Variants in TMEM117 observed in about 807,000 individuals in gnomAD.
The protein encoded by TMEM117 is transmembrane protein 117.
Under a neutral mutation model 52.4 loss-of-function variants are expected in TMEM117, and 27 were observed. That is an observed-to-expected ratio of 0.51 (90% CI 0.38 to 0.71). TMEM117 has a LOEUF of 0.71. TMEM117 is among the 30% of genes least tolerant of loss of function. The pLI is 0.00. For synonymous variants in TMEM117, 215 were observed against 206.3 expected (o/e 1.04, Z -0.36); for missense variants, 556 against 630.5 (o/e 0.88, Z 1.26).
At chr12:43,829,301 T>G in the TMEM117 span, among the ~76,000 whole-genome samples, 1 of 152,256 alleles carries the variant, frequency 6.6e-6, no homozygotes, top group Admixed American at 6.5e-5. Flanking sequence ...ATCTGTAACC[T>G]TGCATTACTA....
Position 44,388,232 on chromosome 12 carries a change from C to T in TMEM117, c.1105C>T (p.Arg369Trp), listed in dbSNP as rs749411714. Residue 369 changes from arginine (R) to tryptophan (W), a missense_variant, in exon 8 of 8, where the codon CGG (arginine) becomes TGG (tryptophan). By Grantham distance (101) the Arg-to-Trp change is moderately radical. Around this residue, in one of 3 missense-constraint regions of TMEM117, gnomAD observed 206 missense variants for 211.1 expected, o/e 0.98. Coordinates refer to ENST00000266534, the MANE Select transcript of TMEM117 (RefSeq NM_032256.3). ...ATGGAGGTCCAATCACACTAACCCT[C>T]GGACTAATAAAACATATGTTGAGGG... ...WEWRSNHTNP[R>W]TNKTYVEGDM... 1.3e-5 allele frequency: 21 copies of T among 1,613,374 alleles called. No homozygotes were observed. The highest frequency in any genetic ancestry group is 5.0e-5 in the Admixed American group (3 of 59,892).
chr12:44,212,820 C>A (rs550871577), intron 5 of TMEM117, among the ~76,000 whole-genome samples: 1 of 151,544 alleles, frequency 6.6e-6, no homozygotes, highest in African/African-American at 2.4e-5. Flanking sequence ...AATGCAAAAG[C>A]TTCAAAAATC....
At chr12:44,206,859 CG>C (rs1565591461) in intron 4 of TMEM117, among the ~76,000 whole-genome samples, 1 of 152,060 alleles carries the variant, frequency 6.6e-6, no homozygotes, top group Non-Finnish European at 1.5e-5. Context: ...TTCCACCTAT[CG>C]GATACTATGC....
chr12:43,965,659 G>A (rs557424011), intron 3 of TMEM117, among the ~76,000 whole-genome samples: 14 of 152,080 alleles, frequency 9.2e-5, no homozygotes, highest in African/African-American at 2.7e-4. Context: ...GCCTTTTTTT[G>A]CTTTCATTAA....
rs185921606 is a variant in TMEM117, at chr12:44,260,085, C to T, written c.609-39495C>T. On this transcript the variant is annotated intron_variant, in intron 5 of 7. Coordinates refer to ENST00000266534, the MANE Select transcript of TMEM117 (RefSeq NM_032256.3). ...ATTTTCCCTACTGCTCCCAGGCCAACGTAGGGACCGATGGTACAAGAAGCG... is the reference window on the plus strand; with the variant it reads ...ATTTTCCCTACTGCTCCCAGGCCAATGTAGGGACCGATGGTACAAGAAGCG... Among the ~76,000 whole-genome samples, 61 of 152,292 alleles carry T rather than the reference C, an allele frequency of 4.0e-4. No individual in the cohort carries two copies. In the South Asian group the frequency reaches 0.012, roughly 30 times the overall value.
intron 2 of TMEM117, among the ~76,000 whole-genome samples, chr12:43,916,897 C>T (rs983262194): frequency 6.6e-6 from 1 of 152,086 alleles, no homozygotes; most frequent in Non-Finnish European, 1.5e-5. Context: ...CCTAGACTCC[C>T]CTCTCTACTC....
chr12:43,897,664 G>A (rs1010569981), intron 2 of TMEM117, among the ~76,000 whole-genome samples: 1 of 151,852 alleles, frequency 6.6e-6, no homozygotes, highest in South Asian at 2.1e-4. Context: ...CTGGAGTGCA[G>A]TGGCATGTTA....
intron 3 of TMEM117, among the ~76,000 whole-genome samples, chr12:44,118,503 G>A (rs915362978): frequency 6.6e-6 from 1 of 152,140 alleles, no homozygotes; most frequent in Non-Finnish European, 1.5e-5. Context: ...AACAGCAATT[G>A]TATAATAACC....
intron 6 of TMEM117, among the ~76,000 whole-genome samples, chr12:44,314,960 A>G (rs1951036027): frequency 6.6e-6 from 1 of 152,044 alleles, no homozygotes; most frequent in Non-Finnish European, 1.5e-5. Context: ...TCAATGTTTC[A>G]ATTTCTTCCT....
Position 44,336,573 on chromosome 12 carries a change from G to T in TMEM117, c.768+36834G>T, listed in dbSNP as rs1051510210. ...TTTTACTGATTTTTAGTGATCCGTG[G>T]TGATTAATGAAGCTTTATGGGAAGC... On this transcript the variant is annotated intron_variant, in intron 6 of 7. Coordinates refer to ENST00000266534, the MANE Select transcript of TMEM117 (RefSeq NM_032256.3). Among the ~76,000 whole-genome samples the T allele has an allele frequency of 3.9e-5, 6 of 152,050 alleles. No homozygotes were observed. The East Asian group carries it at 1.2e-3, about 30-fold the overall frequency.
At chr12:43,933,124 G>A (rs115286921) in intron 2 of TMEM117, among the ~76,000 whole-genome samples, 14 of 151,822 alleles carry the variant, frequency 9.2e-5, no homozygotes, top group African/African-American at 2.2e-4. Flanking sequence ...ATTTAAAATC[G>A]TTAAGTATTC....
chr12:44,156,099 C>T (rs561496091), intron 4 of TMEM117, among the ~76,000 whole-genome samples: 1 of 152,112 alleles, frequency 6.6e-6, no homozygotes, highest in African/African-American at 2.4e-5. Context: ...ATTTAAGGCT[C>T]AAGCAGGCAA....
intron 3 of TMEM117, among the ~76,000 whole-genome samples, chr12:44,097,529 G>T (rs1333449767): frequency 6.6e-6 from 1 of 151,998 alleles, no homozygotes; most frequent in African/African-American, 2.4e-5. Flanking sequence ...GGAATACTAT[G>T]CAGCCATAAA....
intron 2 of TMEM117, among the ~76,000 whole-genome samples, chr12:43,879,978 A>C (rs1943867932): frequency 6.6e-6 from 1 of 152,244 alleles, no homozygotes; most frequent in South Asian, 2.1e-4. Context: ...GTTTCTACCA[A>C]GACAGAAGAA....
In TMEM117 at chr12:44,377,215, C is replaced by T. The variant is rs558162796; in HGVS notation, c.898+491C>T. ...TGTGGAGAGTCATTTCTGCCATACT[C>T]CATATGCCACTCTACCTTGATCTTG... On this transcript the variant is annotated intron_variant, in intron 7 of 7. Transcript: ENST00000266534. Among the ~76,000 whole-genome samples the T allele has an allele frequency of 2.0e-5, 3 of 152,276 alleles. No individual in the cohort carries two copies. The East Asian group carries it at 5.8e-4, about 29-fold the overall frequency.
intron 2 of TMEM117, among the ~76,000 whole-genome samples, chr12:43,928,176 A>C (rs1443353136): frequency 2.0e-5 from 3 of 152,124 alleles, no homozygotes; most frequent in Admixed American, 6.5e-5. Context: ...AAATAATAAA[A>C]GTTCTCTAGA....
intron 7 of TMEM117, 124 bp from the exon 8 acceptor site, chr12:44,387,902 A>G: frequency 1.1e-6 from 1 of 911,844 alleles, no homozygotes; most frequent in South Asian, 1.8e-5. Context: ...CAAAATATTA[A>G]TTGTTAACCA....
chr12:43,806,162 C>A, the TMEM117 span: 1 of 1,535,016 alleles, frequency 6.5e-7, no homozygotes, highest in South Asian at 1.2e-5. Context: ...TGCAGCCCTC[C>A]CGGCTCTCCC....
chr12:43,977,511 C>A (rs917924540), intron 3 of TMEM117, among the ~76,000 whole-genome samples: 11 of 152,032 alleles, frequency 7.2e-5, no homozygotes, highest in African/African-American at 2.4e-4. Context: ...CATAAAACTG[C>A]GGGTTTTATG....
Sources: allele counts gnomAD v4.1 joint callset (sites outside exome capture counted in the v4.1 genomes callset), GRCh38; gene constraint gnomAD v4.1.1; regional missense constraint gnomAD v4.1.1; transcripts MANE v1.5; gene names NCBI Gene and HGNC (gene_info 2026-07-23, HGNC 2026-07-21).